RBPJ: variants seen among roughly 807,000 people sequenced by gnomAD.
The protein encoded by RBPJ is recombining binding protein suppressor of hairless.
RBPJ carries 9 observed loss-of-function variants against 67.8 expected under a neutral mutation model. That is an observed-to-expected ratio of 0.13 (90% CI 0.08 to 0.23). The LOEUF is 0.23. Ranked by LOEUF, RBPJ falls within the 10% of genes least tolerant of loss-of-function variation. The probability of loss-of-function intolerance (pLI) is 1.00; values close to 1 mark genes in which losing one functional copy is unlikely to be tolerated. For missense variants in RBPJ, 305 were observed against 595.6 expected, an observed-to-expected ratio of 0.51 and a Z score of 5.08; for synonymous variants, 198 against 203.3, an observed-to-expected ratio of 0.97 and a Z score of 0.22.
rs567305647 is a variant in RBPJ, at chr4:26,276,172, G to A, written c.-166-86274G>A. Reference sequence around the variant, plus strand: ...TGCCTGTAGTCCCAGCTACTTGGGAGGCTGAGGCAGGAGAATCACTTGAAC... The same window carrying A: ...TGCCTGTAGTCCCAGCTACTTGGGAAGCTGAGGCAGGAGAATCACTTGAAC... On this transcript the variant is annotated intron_variant, in intron 1 of 4. Coordinates refer to the RBPJ transcript ENST00000512351. 5.3e-5 allele frequency among the ~76,000 whole-genome samples: 8 copies of A among 150,986 alleles called. No homozygotes were observed. The East Asian group carries it at 1.6e-3, about 30-fold the overall frequency.
chr4:26,319,235 T>C (rs1577424169), upstream of RBPJ, among the ~76,000 whole-genome samples: 2 of 152,154 alleles, frequency 1.3e-5, no homozygotes, highest in South Asian at 2.1e-4. Flanking sequence ...GAGATCGGCC[T>C]GGGGCTCCTC....
chr4:26,392,444 T>G (rs1731601822), intron 2 of RBPJ, among the ~76,000 whole-genome samples: 1 of 152,180 alleles, frequency 6.6e-6, no homozygotes. Flanking sequence ...GATCAACAAA[T>G]TGTAGTGTAT....
chr4:26,221,324 TCGTGATCCAC>T (rs951277743), intron 1 of RBPJ, among the ~76,000 whole-genome samples: 2 of 152,176 alleles, frequency 1.3e-5, no homozygotes, highest in African/African-American at 4.8e-5. Flanking sequence ...TCTCCTGACC[TCGTGATCCAC>T]CCGCCTCCGC....
In RBPJ at chr4:26,430,642, T is replaced by C. The variant is rs1225710826; in HGVS notation, c.1149-50T>C. On this transcript the variant is annotated intron_variant, in intron 10 of 10. Coordinates refer to ENST00000355476, the MANE Select transcript of RBPJ (RefSeq NM_015874.6). This position sits in a 1 kb window ranked among gnomAD's most constrained non-coding sequence, Gnocchi z 4.1. ...CTTGTGTTAAGTCTCATTTTTAACA[T>C]GTACTTTGCTTTTTAAAGTGTTTTT... is the stretch of plus-strand genomic sequence containing the variant. 2.5e-6 allele frequency: 4 copies of C among 1,584,178 alleles called. No homozygotes were observed. Among genetic ancestry groups the C allele is most frequent in the Non-Finnish European group, 1.7e-6 (2 of 1,158,758 alleles).
At chr4:26,181,931 T>C (rs1717013397) in intron 1 of RBPJ, among the ~76,000 whole-genome samples, 1 of 152,350 alleles carries the variant, frequency 6.6e-6, no homozygotes, top group Non-Finnish European at 1.5e-5. Flanking sequence ...TACTGCAGAC[T>C]TTGTAAACAC....
At position 26,305,072 on chromosome 4, in the gene RBPJ, C is replaced by T. The variant is rs532747598; in HGVS notation, c.-166-57374C>T. Among the ~76,000 whole-genome samples the T allele has an allele frequency of 9.9e-5, 15 of 152,226 alleles. No homozygotes were observed. The East Asian group carries it at 2.9e-3, about 29-fold the overall frequency. On this transcript the variant is annotated intron_variant, in intron 1 of 4. Coordinates refer to the RBPJ transcript ENST00000512351. ...TTTTGCATGTAGATATTCAGTTTTC[C>T]CAGCATCATTTGTTGCAAAGACTGT...
At position 26,370,199 on chromosome 4, in the gene RBPJ, A is replaced by G. The variant is rs372175282; in HGVS notation, c.21-16154A>G. 3.9e-5 allele frequency among the ~76,000 whole-genome samples: 6 copies of G among 152,278 alleles called. 1 individual carries two copies. The East Asian group carries it at 1.2e-3, about 29-fold the overall frequency. ...GGAGAAATGCTAGAACCAAACCAAAACATTGATAAATAATAGGAAAAATTA... is the reference window on the plus strand; with the variant it reads ...GGAGAAATGCTAGAACCAAACCAAAGCATTGATAAATAATAGGAAAAATTA... On this transcript the variant is annotated intron_variant, in intron 1 of 10. Coordinates refer to ENST00000355476, the MANE Select transcript of RBPJ (RefSeq NM_015874.6).
At chr4:26,358,590 A>ATAGCAAGAC (rs1727659116) in intron 1 of RBPJ, among the ~76,000 whole-genome samples, 1 of 148,750 alleles carries the variant, frequency 6.7e-6, no homozygotes, top group Admixed American at 6.8e-5. Flanking sequence ...GCCTGGCAGC[A>ATAGCAAGAC]TAGCAAGACC....
chr4:26,290,325 A>T, intron 1 of RBPJ, among the ~76,000 whole-genome samples: 1 of 149,668 alleles, frequency 6.7e-6, no homozygotes, highest in Admixed American at 6.7e-5. Flanking sequence ...TCTAAAAAAA[A>T]AAAAAAAAAA....
At chr4:26,229,570 C>A (rs540332970) in intron 1 of RBPJ, among the ~76,000 whole-genome samples, 2 of 152,268 alleles carry the variant, frequency 1.3e-5, no homozygotes, top group South Asian at 4.1e-4. Context: ...GAAGCGTTCC[C>A]CTCACTGAGA....
At chr4:26,393,577 A>G (rs528555462) in intron 2 of RBPJ, among the ~76,000 whole-genome samples, 4 of 151,480 alleles carry the variant, frequency 2.6e-5, no homozygotes, top group Non-Finnish European at 4.4e-5. Flanking sequence ...ATTTCCCCAT[A>G]TGGCCCAGGC....
intron 1 of RBPJ, among the ~76,000 whole-genome samples, chr4:26,233,507 C>T (rs559772930): frequency 9.2e-5 from 14 of 152,336 alleles, no homozygotes; most frequent in East Asian, 5.8e-4. Flanking sequence ...GTCTCCACTT[C>T]GTATGCGTCA....
the RBPJ span, among the ~76,000 whole-genome samples, chr4:26,137,763 C>T: frequency 6.6e-6 from 1 of 152,184 alleles, no homozygotes; most frequent in Non-Finnish European, 1.5e-5. Context: ...TATGGGTCAT[C>T]AAATGATGAA....
chr4:26,164,001 T>C (rs995851421), intron 1 of RBPJ, among the ~76,000 whole-genome samples: 1 of 152,278 alleles, frequency 6.6e-6, no homozygotes, highest in African/African-American at 2.4e-5. Flanking sequence ...AAAAAGAATT[T>C]TCTAGAATCA....
chr4:26,172,461 T>C (rs1021284556), intron 1 of RBPJ, among the ~76,000 whole-genome samples: 4 of 152,182 alleles, frequency 2.6e-5, no homozygotes, highest in African/African-American at 9.7e-5. Flanking sequence ...CCCCTCTGTC[T>C]CAGCCCTGAA....
chr4:26,301,375 G>A (rs973732503), intron 1 of RBPJ, among the ~76,000 whole-genome samples: 18 of 152,074 alleles, frequency 1.2e-4, no homozygotes, highest in African/African-American at 4.3e-4. Context: ...GGCGGATCAC[G>A]AGGTCAGGAG....
At chr4:26,307,705 C>T (rs895191003) in intron 1 of RBPJ, among the ~76,000 whole-genome samples, 7 of 151,982 alleles carry the variant, frequency 4.6e-5, no homozygotes, top group Non-Finnish European at 1.0e-4. Context: ...ATTTAGGCCA[C>T]ATGTTTGGAA....
chr4:26,242,240 G>A (rs1011052504), intron 1 of RBPJ, among the ~76,000 whole-genome samples: 2 of 152,120 alleles, frequency 1.3e-5, no homozygotes, highest in African/African-American at 4.8e-5. Context: ...GAGGTCAGGA[G>A]ATCGAGACCA....
At chr4:26,234,818 A>G (rs1024801181) in intron 1 of RBPJ, among the ~76,000 whole-genome samples, 4 of 151,764 alleles carry the variant, frequency 2.6e-5, no homozygotes, top group Admixed American at 1.3e-4. Flanking sequence ...TCAGCCTCCT[A>G]AGTAGCTGGG....
Sources: allele counts gnomAD v4.1 joint callset (sites outside exome capture counted in the v4.1 genomes callset), GRCh38; gene constraint gnomAD v4.1.1; non-coding constraint Gnocchi (gnomAD v3.1); transcripts MANE v1.5; gene names NCBI Gene and HGNC (gene_info 2026-07-23, HGNC 2026-07-21).